The following KCNH1 variants were observed in gnomAD, a reference collection of about 807,000 sequenced individuals.
The protein encoded by KCNH1 is voltage-gated delayed rectifier potassium channel KCNH1.
Under a neutral mutation model 69.2 loss-of-function variants are expected in KCNH1, and 27 were observed. The ratio of observed to expected loss-of-function variants is 0.39; its 90% CI spans 0.29 to 0.54. The LOEUF is 0.54. Among genes scored for constraint, KCNH1 ranks in the 20% least tolerant of loss-of-function variants. The pLI, the probability that KCNH1 is intolerant of heterozygous loss-of-function variation, is 0.68. For missense variants in KCNH1, 798 were observed against 1,261.6 expected (o/e 0.63, Z 5.57); for synonymous variants, 456 against 487.7 (o/e 0.93, Z 0.86).
rs143864420 is a variant in KCNH1, at chr1:210,855,603, A to G, written c.1463-51437T>C. ...GTGTATTGAGAATATAGACTGAGCC[A>G]GAGAGCGTAAAGCTGCTCTGCTAGC... On this transcript the variant is annotated intron_variant, in intron 7 of 10. Coordinates refer to ENST00000271751, the MANE Select transcript of KCNH1 (RefSeq NM_172362.3). Among the ~76,000 whole-genome samples, 31 of 152,362 alleles carry G rather than the reference A, an allele frequency of 2.0e-4. No homozygotes were observed. In the South Asian group the frequency reaches 5.0e-3, roughly 24 times the overall value.
chr1:210,801,883 G>T (rs1336964190), intron 8 of KCNH1, among the ~76,000 whole-genome samples: 1 of 152,230 alleles, frequency 6.6e-6, no homozygotes, highest in Non-Finnish European at 1.5e-5. Context: ...GAATGACTCT[G>T]TTTGGACTCA....
intron 7 of KCNH1, chr1:210,860,083 CATCT>C (rs1382873432): frequency 7.7e-7 from 1 of 1,302,500 alleles, no homozygotes; most frequent in Non-Finnish European, 1.1e-6. Context: ...TGACACGCTG[CATCT>C]TCTCCTGCAA....
intron 10 of KCNH1, among the ~76,000 whole-genome samples, chr1:210,693,143 G>A (rs1348839720): frequency 3.3e-5 from 5 of 152,242 alleles, no homozygotes; most frequent in African/African-American, 1.2e-4. Flanking sequence ...AGACCCTGAG[G>A]AAATTACTTG....
intron 6 of KCNH1, among the ~76,000 whole-genome samples, chr1:211,001,118 A>C (rs1322903225): frequency 3.9e-5 from 6 of 152,144 alleles, no homozygotes; most frequent in South Asian, 4.1e-4. Context: ...GACTTCATGT[A>C]TAAAACACCA....
chr1:210,988,461 G>T (rs1437413083), intron 6 of KCNH1, among the ~76,000 whole-genome samples: 1 of 152,118 alleles, frequency 6.6e-6, no homozygotes, highest in African/African-American at 2.4e-5. Context: ...CTTTATTATT[G>T]CAAGATATGC....
intron 7 of KCNH1, among the ~76,000 whole-genome samples, chr1:210,849,902 C>G (rs1463711336): frequency 6.6e-6 from 1 of 150,466 alleles, no homozygotes; most frequent in African/African-American, 2.5e-5. Context: ...CACTGTGTGT[C>G]TTAGAAGGAA....
intron 6 of KCNH1, among the ~76,000 whole-genome samples, chr1:210,974,819 C>T (rs1010235269): frequency 6.6e-6 from 1 of 152,180 alleles, no homozygotes; most frequent in East Asian, 1.9e-4. Flanking sequence ...ACCTTGGCCT[C>T]CCAAAGTGCT....
chr1:210,979,872 C>T (rs759477179), intron 6 of KCNH1, among the ~76,000 whole-genome samples: 6 of 152,148 alleles, frequency 3.9e-5, no homozygotes, highest in African/African-American at 1.4e-4. Context: ...GAAATTCATG[C>T]TAACAGGAGG....
At chr1:210,930,123 G>T (rs986151011) in intron 6 of KCNH1, among the ~76,000 whole-genome samples, 3 of 151,942 alleles carry the variant, frequency 2.0e-5, no homozygotes, top group Admixed American at 2.0e-4. Flanking sequence ...AATCTACAAA[G>T]TCAATGCAAT....
intron 5 of KCNH1, among the ~76,000 whole-genome samples, chr1:211,051,620 G>T (rs1435102570): frequency 6.6e-6 from 1 of 152,204 alleles, no homozygotes; most frequent in East Asian, 1.9e-4. Flanking sequence ...CCTGGCTGAT[G>T]CTGAGGTCAA....
At chr1:210,940,690 G>T (rs1263245367) in intron 6 of KCNH1, among the ~76,000 whole-genome samples, 1 of 152,104 alleles carries the variant, frequency 6.6e-6, no homozygotes, top group East Asian at 1.9e-4. Flanking sequence ...TCCTTCTAGA[G>T]GCCTGAAAAC....
At chr1:210,952,012 C>T (rs937227116) in intron 6 of KCNH1, among the ~76,000 whole-genome samples, 23 of 152,206 alleles carry the variant, frequency 1.5e-4, no homozygotes, top group African/African-American at 3.6e-4. Context: ...GACACTTGCG[C>T]GGGGTACACA....
intron 7 of KCNH1, among the ~76,000 whole-genome samples, chr1:210,832,127 A>C (rs1685175592): frequency 6.6e-6 from 1 of 152,200 alleles, no homozygotes; most frequent in African/African-American, 2.4e-5. Flanking sequence ...TTCTCAAAAA[A>C]AAGAAAGTCT....
At chr1:210,827,608 T>C (rs1685059707) in intron 7 of KCNH1, among the ~76,000 whole-genome samples, 1 of 152,206 alleles carries the variant, frequency 6.6e-6, no homozygotes, top group East Asian at 1.9e-4. Flanking sequence ...GCCACTGAAA[T>C]AGGCAGAGGA....
chr1:210,797,221 C>A (rs1684332786), intron 9 of KCNH1, among the ~76,000 whole-genome samples: 1 of 152,142 alleles, frequency 6.6e-6, no homozygotes, highest in Admixed American at 6.5e-5. Context: ...AGATGTGCCT[C>A]CCACTGTACT....
chr1:211,086,064 C>G (rs1375975282), intron 4 of KCNH1, among the ~76,000 whole-genome samples: 2 of 152,226 alleles, frequency 1.3e-5, no homozygotes, highest in Non-Finnish European at 2.9e-5. Context: ...GCTTACCTGT[C>G]TATCCCTTCT....
chr1:210,871,736 G>A lies in KCNH1; in HGVS notation c.1462+47904C>T, dbSNP rs578229178. On this transcript the variant is annotated intron_variant, in intron 7 of 10. Coordinates refer to ENST00000271751, the MANE Select transcript of KCNH1 (RefSeq NM_172362.3). ...ACTATGCAGCCATAAAAAAGGATGA[G>A]TTCATGTCCTTTGTAGGGACATGGA... 1.6e-4 allele frequency among the ~76,000 whole-genome samples: 25 copies of A among 151,788 alleles called. 1 individual carries two copies. In the South Asian group the frequency reaches 4.4e-3, roughly 27 times the overall value.
At chr1:210,937,468 A>G (rs1687793751) in intron 6 of KCNH1, among the ~76,000 whole-genome samples, 1 of 152,212 alleles carries the variant, frequency 6.6e-6, no homozygotes, top group South Asian at 2.1e-4. Flanking sequence ...CACCCACTCC[A>G]GTAACTGAAT....
At chr1:211,058,462 G>A (rs1690357246) in intron 5 of KCNH1, among the ~76,000 whole-genome samples, 1 of 152,086 alleles carries the variant, frequency 6.6e-6, no homozygotes, top group Non-Finnish European at 1.5e-5. Flanking sequence ...AGGGGATGAA[G>A]TTAAAGTGCA....
Sources: allele counts gnomAD v4.1 joint callset (sites outside exome capture counted in the v4.1 genomes callset), GRCh38; gene constraint gnomAD v4.1.1; transcripts MANE v1.5; gene names NCBI Gene and HGNC (gene_info 2026-07-23, HGNC 2026-07-21).